BMPER: variants seen among roughly 807,000 people sequenced by gnomAD.
BMPER encodes BMP binding endothelial regulator.
Under a neutral mutation model 87.3 loss-of-function variants are expected in BMPER, and 45 were observed. That is an observed-to-expected ratio of 0.52 (90% CI 0.41 to 0.66). BMPER has a LOEUF of 0.66. Ranked by LOEUF, BMPER falls within the 30% of genes least tolerant of loss-of-function variation. BMPER has a pLI of 0.00. For synonymous variants in BMPER, 326 were observed against 316.2 expected (o/e 1.03, Z -0.33); for missense variants, 784 against 867.5 (o/e 0.90, Z 1.21).
At chr7:34,000,582 C>G (rs1353627539) in intron 6 of BMPER, among the ~76,000 whole-genome samples, 1 of 152,050 alleles carries the variant, frequency 6.6e-6, no homozygotes, top group African/African-American at 2.4e-5. Context: ...CTCTCTTCCT[C>G]TCTTTCTGTC....
chr7:34,081,651 A>G (rs899438016), intron 12 of BMPER, among the ~76,000 whole-genome samples: 11 of 152,226 alleles, frequency 7.2e-5, no homozygotes, highest in African/African-American at 2.7e-4. Context: ...CCTTTCTACC[A>G]TCTGTTCACT....
intron 14 of BMPER, among the ~76,000 whole-genome samples, chr7:34,150,826 G>A (rs1562774716): frequency 2.0e-5 from 3 of 152,126 alleles, no homozygotes. Flanking sequence ...TTCCCCTCTA[G>A]TAGCCTATAT....
chr7:33,905,798 T>C, intron 1 of BMPER, 52 bp downstream of exon 1: 51 of 756,932 alleles, frequency 6.7e-5, no homozygotes, highest in East Asian at 3.1e-4. Flanking sequence ...GTTTGGTACC[T>C]GGGAAAGGTG....
intron 13 of BMPER, among the ~76,000 whole-genome samples, chr7:34,114,628 G>A (rs190019222): frequency 9.8e-5 from 15 of 152,326 alleles, no homozygotes; most frequent in Admixed American, 9.1e-4. Context: ...TGTGATAAGT[G>A]CAAAATGTCA....
In BMPER at chr7:34,143,063, C is replaced by T. The variant is rs10486635; in HGVS notation, c.1746-167C>T. On this transcript the variant is annotated intron_variant, in intron 13 of 14. Transcript: ENST00000649409. ...TATCACACTGTTCAAAGGTATCCAGCACTTAAGTTCCACACAGAATTTTGC... is the reference window on the plus strand; with the variant it reads ...TATCACACTGTTCAAAGGTATCCAGTACTTAAGTTCCACACAGAATTTTGC... Among the ~76,000 whole-genome samples, 23,120 of 152,176 alleles carry T rather than the reference C, an allele frequency of 0.15. 2,123 individuals carry two copies. The highest frequency in any genetic ancestry group is 0.2 in the Non-Finnish European group (13,474 of 67,990).
intron 2 of BMPER, among the ~76,000 whole-genome samples, chr7:33,912,160 C>T (rs911971235): frequency 2.6e-5 from 4 of 152,110 alleles, no homozygotes; most frequent in Non-Finnish European, 2.9e-5. Flanking sequence ...CACAACTTTC[C>T]GTGGAAGAGG....
chr7:34,125,947 T>C (rs1390979082), intron 13 of BMPER, among the ~76,000 whole-genome samples: 1 of 152,208 alleles, frequency 6.6e-6, no homozygotes, highest in East Asian at 1.9e-4. Flanking sequence ...GATGAACACC[T>C]GCAATGTGCT....
At chr7:34,007,695 TA>T (rs1040435050) in intron 6 of BMPER, among the ~76,000 whole-genome samples, 1 of 152,118 alleles carries the variant, frequency 6.6e-6, no homozygotes, top group Non-Finnish European at 1.5e-5. Context: ...CTCATAGGTA[TA>T]GGGGTAATTT....
At chr7:34,127,731 G>A (rs558793117) in intron 13 of BMPER, among the ~76,000 whole-genome samples, 3 of 152,120 alleles carry the variant, frequency 2.0e-5, no homozygotes, top group Non-Finnish European at 2.9e-5. Context: ...TTTTGCCTCA[G>A]TGTGAGACCC....
intron 6 of BMPER, among the ~76,000 whole-genome samples, chr7:33,999,225 G>A (rs1287367709): frequency 2.6e-5 from 4 of 152,212 alleles, no homozygotes; most frequent in Non-Finnish European, 5.9e-5. Flanking sequence ...ACCTGCCTGG[G>A]CACTGAGGAC....
intron 6 of BMPER, among the ~76,000 whole-genome samples, chr7:33,994,356 G>A (rs897601763): frequency 7.9e-5 from 12 of 152,344 alleles, no homozygotes; most frequent in Admixed American, 2.0e-4. Context: ...GAAAAGCGCG[G>A]TATTCGGGTG....
intron 2 of BMPER, among the ~76,000 whole-genome samples, chr7:33,927,325 A>G (rs559874937): frequency 1.3e-3 from 200 of 152,324 alleles, no homozygotes; most frequent in Non-Finnish European, 2.3e-3. Context: ...CACTGTAGGT[A>G]CGTTATCCAG....
At chr7:33,990,355 GTATTT>G (rs1324360216) in intron 6 of BMPER, among the ~76,000 whole-genome samples, 1 of 137,148 alleles carries the variant, frequency 7.3e-6, no homozygotes, top group Non-Finnish European at 1.6e-5. Context: ...GGATTCCTAG[GTATTT>G]TATTCTCTTT....
chr7:33,921,073 CTT>C (rs2128604562), intron 2 of BMPER, among the ~76,000 whole-genome samples: 1 of 152,232 alleles, frequency 6.6e-6, no homozygotes, highest in South Asian at 2.1e-4. Context: ...TCCTTGAAGA[CTT>C]TATATTGGTT....
rs539125184 is a variant in BMPER at position 34,078,358 on chromosome 7, C to T, written c.1079-499C>T. Among the ~76,000 whole-genome samples the T allele has an allele frequency of 7.9e-5, 12 of 152,254 alleles. No individual in the cohort carries two copies. The South Asian group carries it at 1.5e-3, about 18-fold the overall frequency. ...TATTGATTTATCCTAGGTAAATACA[C>T]GGGTGTTGAGTATCAGCTTTCCTTA... On this transcript the variant is annotated intron_variant, in intron 11 of 14. Transcript: ENST00000649409.
chr7:33,980,411 A>T (rs1040729354), intron 6 of BMPER, among the ~76,000 whole-genome samples: 1 of 152,194 alleles, frequency 6.6e-6, no homozygotes, highest in Admixed American at 6.5e-5. Context: ...AAGTATACTG[A>T]GTGTTGGTTA....
At chr7:34,101,658 AC>A (rs1789685500) in intron 13 of BMPER, among the ~76,000 whole-genome samples, 1 of 152,090 alleles carries the variant, frequency 6.6e-6, no homozygotes, top group African/African-American at 2.4e-5. Flanking sequence ...TCCCTCCTGG[AC>A]CCTTTCATCC....
At chr7:33,932,043 G>T (rs558113502) in intron 2 of BMPER, among the ~76,000 whole-genome samples, 18 of 152,162 alleles carry the variant, frequency 1.2e-4, no homozygotes, top group Admixed American at 9.8e-4. Flanking sequence ...TCTCCCTCCC[G>T]CAGCACTGAG....
intron 14 of BMPER, among the ~76,000 whole-genome samples, chr7:34,152,659 G>A (rs1791207276): frequency 6.6e-6 from 1 of 151,998 alleles, no homozygotes; most frequent in South Asian, 2.1e-4. Flanking sequence ...AATATCCTTG[G>A]TAGGTTTTTT....
Sources: gnomAD v4.1 joint callset for allele counts (sites outside exome capture counted in the v4.1 genomes callset) on GRCh38, gnomAD v4.1.1 for gene constraint, MANE v1.5 for transcripts, NCBI Gene and HGNC (gene_info 2026-07-23, HGNC 2026-07-21) for gene names.